The following ARID2 variants were observed in gnomAD, a reference collection of about 807,000 sequenced individuals.
ARID2 encodes the protein AT-rich interactive domain-containing protein 2.
In ARID2, 32 loss-of-function variants were observed where a neutral mutation model predicts 184.6. The observed-to-expected ratio is 0.17, with a 90% confidence interval of 0.13 to 0.23. The LOEUF (loss-of-function observed/expected upper bound fraction) is 0.23, where lower values mean the gene tolerates loss of function less well. Among genes scored for constraint, ARID2 ranks in the 10% least tolerant of loss-of-function variants. ARID2 has a pLI of 1.00. For missense variants in ARID2, 1,696 were observed against 2,197.6 expected, an observed-to-expected ratio of 0.77 and a Z score of 4.56; for synonymous variants, 836 against 772.6, an observed-to-expected ratio of 1.08 and a Z score of -1.36.
chr12:45,820,207 C>T (rs1942874895), intron 5 of ARID2, among the ~76,000 whole-genome samples: 1 of 152,162 alleles, frequency 6.6e-6, no homozygotes. Context: ...TTATTCAAAA[C>T]ATTTACATCT....
intron 3 of ARID2, among the ~76,000 whole-genome samples, chr12:45,785,660 T>C (rs1942183174): frequency 6.6e-6 from 1 of 152,174 alleles, no homozygotes. Flanking sequence ...CATTGGAGTA[T>C]TTTGAATTTT....
chr12:45,882,955 T>C (rs553275267), intron 16 of ARID2, among the ~76,000 whole-genome samples: 1 of 152,378 alleles, frequency 6.6e-6, no homozygotes, highest in East Asian at 1.9e-4. Context: ...CTTTGCTGAC[T>C]TAGCCTGTTG....
At chr12:45,894,357 C>T (rs1944340716) in intron 20 of ARID2, among the ~76,000 whole-genome samples, 2 of 152,216 alleles carry the variant, frequency 1.3e-5, no homozygotes, top group Admixed American at 6.5e-5. Flanking sequence ...AAATTGTCCT[C>T]AGATGCATCT....
chr12:45,748,788 C>T (rs541238225), intron 3 of ARID2, among the ~76,000 whole-genome samples: 2 of 152,264 alleles, frequency 1.3e-5, no homozygotes, highest in African/African-American at 4.8e-5. Context: ...TACATTCTAT[C>T]TCAATAAACC....
At position 45,907,180 on chromosome 12, in the gene ARID2, G is replaced by C. The variant is rs1320328476; in HGVS notation, c.*2102G>C. The C allele has an allele frequency of 4.3e-6, 1 of 232,634 alleles. No individual in the cohort carries two copies. The highest frequency in any genetic ancestry group is 8.5e-6 in the Non-Finnish European group (1 of 117,750). 14.4% of individuals were successfully genotyped at this position (232,634 alleles called of 1,614,324 possible). A position where few individuals can be genotyped will look rare whatever the true frequency, so the allele number is the denominator to read the frequency against. ...CGCTGAAATCATGTGGGTATCCCTA[G>C]GATGGCCTTCAGAGCCCTCAAACTT... On this transcript the variant is annotated 3_prime_UTR_variant, in exon 21 of 21. Coordinates refer to ENST00000334344, the MANE Select transcript of ARID2 (RefSeq NM_152641.4).
intron 11 of ARID2, chr12:45,841,771 C>G (rs867206195): frequency 2.6e-5 from 4 of 152,146 alleles, no homozygotes; most frequent in African/African-American, 9.7e-5. Context: ...TCTTTAACAT[C>G]AGAAATTTTA....
At chr12:45,878,493 C>G (rs2138214044) in intron 16 of ARID2, among the ~76,000 whole-genome samples, 1 of 152,214 alleles carries the variant, frequency 6.6e-6, no homozygotes, top group South Asian at 2.1e-4. Context: ...TCCACTGATT[C>G]TTTCCTTATC....
chr12:45,889,865 G>A (rs748414121), intron 16 of ARID2, among the ~76,000 whole-genome samples: 11 of 152,188 alleles, frequency 7.2e-5, no homozygotes, highest in Admixed American at 1.3e-4. Context: ...TTGAACCCGG[G>A]AGGCAGAAGT....
At chr12:45,860,191 G>T (rs1943719305) in intron 15 of ARID2, among the ~76,000 whole-genome samples, 1 of 152,196 alleles carries the variant, frequency 6.6e-6, no homozygotes, top group Non-Finnish European at 1.5e-5. Context: ...TCTGTAACCT[G>T]CCCAGGCAAC....
At chr12:45,902,858 G>A (rs1446144430) in intron 20 of ARID2, among the ~76,000 whole-genome samples, 1 of 151,974 alleles carries the variant, frequency 6.6e-6, no homozygotes, top group East Asian at 1.9e-4. Context: ...TTCTTTTCCA[G>A]AAAGATCTTA....
intron 3 of ARID2, among the ~76,000 whole-genome samples, chr12:45,798,349 T>G (rs1229040653): frequency 6.6e-6 from 1 of 152,214 alleles, no homozygotes; most frequent in Admixed American, 6.5e-5. Flanking sequence ...TTACAAACAA[T>G]GTAAATCAGT....
intron 4 of ARID2, 36 bp downstream of exon 4, chr12:45,811,587 G>T (rs770468570): frequency 2.5e-6 from 4 of 1,599,536 alleles, no homozygotes; most frequent in Non-Finnish European, 3.4e-6. Flanking sequence ...ATATATGTCC[G>T]CAGTTTTGAA....
At chr12:45,734,391 T>TA (rs1941068181) in intron 3 of ARID2, among the ~76,000 whole-genome samples, 1 of 151,964 alleles carries the variant, frequency 6.6e-6, no homozygotes, top group African/African-American at 2.4e-5. Flanking sequence ...TAAAATAAAA[T>TA]AAATAAATTA....
Position 45,851,201 on chromosome 12 carries a change from A to G in ARID2, c.3078A>G (p.Val1026=), listed in dbSNP as rs1189751464. Reference sequence around the variant, plus strand: ...CACCAGCACCCCCACCACAGCAGGTACAAGTACAAGTTCAGCAGCCCCAAC... The same window carrying G: ...CACCAGCACCCCCACCACAGCAGGTGCAAGTACAAGTTCAGCAGCCCCAAC... ...QHSPAPPPQQ[V]QVQVQQPQQV... Residue 1026 remains valine (V), a synonymous_variant, in exon 15 of 21, where the codon GTA becomes GTG. Coordinates refer to ENST00000334344, the MANE Select transcript of ARID2 (RefSeq NM_152641.4). The G allele has an allele frequency of 1.2e-6, 2 of 1,614,020 alleles. No homozygotes were observed. The highest frequency in any genetic ancestry group is 1.7e-6 in the Non-Finnish European group (2 of 1,180,002).
chr12:45,866,127 A>G (rs1592130548), intron 16 of ARID2, among the ~76,000 whole-genome samples: 1 of 152,090 alleles, frequency 6.6e-6, no homozygotes, highest in Admixed American at 6.5e-5. Context: ...GCTTGCTTCA[A>G]TAATATATGT....
At chr12:45,758,924 A>G (rs956947734) in intron 3 of ARID2, among the ~76,000 whole-genome samples, 1 of 152,184 alleles carries the variant, frequency 6.6e-6, no homozygotes, top group Non-Finnish European at 1.5e-5. Context: ...AAAATTGATC[A>G]TGTAGTAAGC....
intron 3 of ARID2, among the ~76,000 whole-genome samples, chr12:45,798,494 C>G (rs1305818618): frequency 2.0e-5 from 3 of 152,168 alleles, no homozygotes; most frequent in Non-Finnish European, 4.4e-5. Flanking sequence ...GCAGGAGAAT[C>G]CATCTGGACA....
At chr12:45,820,855 A>G (rs924732623) in intron 5 of ARID2, among the ~76,000 whole-genome samples, 4 of 152,150 alleles carry the variant, frequency 2.6e-5, no homozygotes, top group African/African-American at 9.7e-5. Flanking sequence ...AGCTTACGAA[A>G]ACAGATGGTT....
intron 16 of ARID2, among the ~76,000 whole-genome samples, chr12:45,867,006 AG>A (rs1943841683): frequency 1.3e-5 from 2 of 152,020 alleles, no homozygotes; most frequent in South Asian, 4.2e-4. Context: ...GCTGGAGTGC[AG>A]TGGGGTGATC....
Sources: gnomAD v4.1 joint callset for allele counts (sites outside exome capture counted in the v4.1 genomes callset) on GRCh38, gnomAD v4.1.1 for gene constraint, MANE v1.5 for transcripts, NCBI Gene and HGNC (gene_info 2026-07-23, HGNC 2026-07-21) for gene names.